The following GLIS3 variants were observed in gnomAD, a reference collection of about 807,000 sequenced individuals.
The protein encoded by GLIS3 is zinc finger protein GLIS3.
Under a neutral mutation model 78.6 loss-of-function variants are expected in GLIS3, and 53 were observed. The observed-to-expected ratio is 0.67, with a 90% CI of 0.54 to 0.85. The LOEUF (loss-of-function observed/expected upper bound fraction) is 0.85, where lower values mean the gene tolerates loss of function less well. Ranked by LOEUF, GLIS3 falls within the 40% of genes least tolerant of loss-of-function variation. The pLI, the probability that GLIS3 is intolerant of heterozygous loss-of-function variation, is 0.00. For synonymous variants in GLIS3, 684 were observed against 509.9 expected, an observed-to-expected ratio of 1.34 and a Z score of -4.60; for missense variants, 1,703 against 1,231.1, an observed-to-expected ratio of 1.38 and a Z score of -5.74.
At chr9:4,378,277 A>T in the GLIS3 span, among the ~76,000 whole-genome samples, 2 of 152,186 alleles carry the variant, frequency 1.3e-5, no homozygotes, top group African/African-American at 2.4e-5. Flanking sequence ...TGCCAGTTAC[A>T]TTTCAGTTTC....
At chr9:3,866,098 G>C (rs1261672665) in intron 8 of GLIS3, among the ~76,000 whole-genome samples, 1 of 152,172 alleles carries the variant, frequency 6.6e-6, no homozygotes, top group Non-Finnish European at 1.5e-5. Flanking sequence ...AATAACAAAT[G>C]AATGAGAGTA....
chr9:3,854,343 G>T (rs1819620294), intron 9 of GLIS3, among the ~76,000 whole-genome samples: 1 of 152,164 alleles, frequency 6.6e-6, no homozygotes, highest in Non-Finnish European at 1.5e-5. Flanking sequence ...AGGTAAAAAT[G>T]ACCATGGGCC....
the GLIS3 span, among the ~76,000 whole-genome samples, chr9:4,377,510 G>T: frequency 7.4e-6 from 1 of 134,662 alleles, no homozygotes; most frequent in South Asian, 2.9e-4. Flanking sequence ...GGCCTATCGT[G>T]GGATTTCACC....
chr9:4,226,177 T>C (rs1487308076), intron 2 of GLIS3, among the ~76,000 whole-genome samples: 2 of 152,166 alleles, frequency 1.3e-5, no homozygotes, highest in Admixed American at 6.6e-5. Context: ...AGATAACGTA[T>C]TGGATACTCA....
At chr9:4,366,414 G>C in the GLIS3 span, among the ~76,000 whole-genome samples, 6 of 152,160 alleles carry the variant, frequency 3.9e-5, no homozygotes, top group Non-Finnish European at 5.9e-5. Context: ...CCTGGGATGG[G>C]AGGAAAGGAG....
intron 2 of GLIS3, among the ~76,000 whole-genome samples, chr9:4,162,854 CAAAAAAAAAAA>C (rs35310357): frequency 0.06 from 4,406 of 73,938 alleles, 115 homozygotes; most frequent in Middle Eastern, 0.17. Context: ...CTCGCTCTGT[CAAAAAAAAAAA>C]AAAAAAAAAA....
chr9:4,212,646 A>G (rs1421660169), intron 2 of GLIS3, among the ~76,000 whole-genome samples: 2 of 152,234 alleles, frequency 1.3e-5, no homozygotes, highest in East Asian at 1.9e-4. Flanking sequence ...CTAAAAGGCA[A>G]CTATGGAAAC....
intron 2 of GLIS3, among the ~76,000 whole-genome samples, chr9:4,254,355 A>C (rs1222760706): frequency 6.6e-6 from 1 of 152,238 alleles, no homozygotes; most frequent in Non-Finnish European, 1.5e-5. Context: ...ATTACAAATC[A>C]TCTTGAGAAA....
intron 3 of GLIS3, among the ~76,000 whole-genome samples, chr9:4,125,413 G>A (rs1414703411): frequency 6.6e-6 from 1 of 152,166 alleles, no homozygotes; most frequent in Non-Finnish European, 1.5e-5. Flanking sequence ...GCTAGGCCAT[G>A]ATATGATTGC....
the GLIS3 span, among the ~76,000 whole-genome samples, chr9:4,433,162 T>C: frequency 1.3e-5 from 2 of 152,244 alleles, no homozygotes; most frequent in Non-Finnish European, 2.9e-5. Flanking sequence ...CCAGGCGCTA[T>C]GGCCCACGCC....
At chr9:4,329,675 A>G (rs1817654618) in intron 2 of GLIS3, among the ~76,000 whole-genome samples, 1 of 152,092 alleles carries the variant, frequency 6.6e-6, no homozygotes, top group East Asian at 1.9e-4. Context: ...TTTAAAATTC[A>G]TCTAGTCTGC....
At chr9:4,121,130 G>A (rs1231312867) in intron 3 of GLIS3, among the ~76,000 whole-genome samples, 5 of 152,180 alleles carry the variant, frequency 3.3e-5, no homozygotes, top group African/African-American at 9.7e-5. Flanking sequence ...AACACCTAAT[G>A]AGAACAAAAC....
intron 2 of GLIS3, among the ~76,000 whole-genome samples, chr9:4,155,344 G>A (rs1834972475): frequency 1.3e-5 from 2 of 152,156 alleles, no homozygotes; most frequent in Non-Finnish European, 2.9e-5. Flanking sequence ...ATTACACCTG[G>A]AACCACTGAC....
chr9:4,464,076 C>T, the GLIS3 span, among the ~76,000 whole-genome samples: 4 of 152,106 alleles, frequency 2.6e-5, no homozygotes, highest in Non-Finnish European at 4.4e-5. Flanking sequence ...ACTGGCAAAT[C>T]ATTGAACAAA....
chr9:4,349,076 A>T (rs1817929417), upstream of GLIS3, among the ~76,000 whole-genome samples: 1 of 152,250 alleles, frequency 6.6e-6, no homozygotes, highest in African/African-American at 2.4e-5. Flanking sequence ...CAACATAAAA[A>T]TAGGAGAATG....
At chr9:3,916,856 C>A (rs573137830) in intron 6 of GLIS3, among the ~76,000 whole-genome samples, 2 of 152,050 alleles carry the variant, frequency 1.3e-5, no homozygotes, top group Non-Finnish European at 2.9e-5. Flanking sequence ...AAAGCAGGTA[C>A]AAATTTTTAA....
chr9:4,249,970 A>C (rs1824197459), intron 2 of GLIS3, among the ~76,000 whole-genome samples: 1 of 152,158 alleles, frequency 6.6e-6, no homozygotes, highest in Non-Finnish European at 1.5e-5. Context: ...GGATGAAGCC[A>C]ACTTGACCGT....
chr9:3,887,659 A>G (rs1822170457), intron 7 of GLIS3, among the ~76,000 whole-genome samples: 1 of 152,200 alleles, frequency 6.6e-6, no homozygotes. Context: ...AAGAGGATAC[A>G]GGTTTATATG....
chr9:3,852,381 A>T (rs1024838508), intron 9 of GLIS3, among the ~76,000 whole-genome samples: 6 of 152,190 alleles, frequency 3.9e-5, no homozygotes, highest in Non-Finnish European at 5.9e-5. Context: ...GAGAGAACAA[A>T]CACTCACTTG....
Sources: gnomAD v4.1 joint callset for allele counts (sites outside exome capture counted in the v4.1 genomes callset) on GRCh38, gnomAD v4.1.1 for gene constraint, MANE v1.5 for transcripts, NCBI Gene and HGNC (gene_info 2026-07-23, HGNC 2026-07-21) for gene names.